The following SPRED1 variants were observed in gnomAD, a reference collection of about 807,000 sequenced individuals.
SPRED1 encodes sprouty related EVH1 domain containing 1.
A neutral mutation model predicts 52.3 loss-of-function variants in SPRED1; 18 were observed. That is an observed-to-expected ratio of 0.34 (90% CI 0.24 to 0.51). SPRED1 has a LOEUF of 0.51. SPRED1 is among the 20% of genes least tolerant of loss of function. SPRED1 has a pLI of 0.97. For synonymous variants in SPRED1, 155 were observed against 179.7 expected, an observed-to-expected ratio of 0.86 and a Z score of 1.10; for missense variants, 485 against 551.0, an observed-to-expected ratio of 0.88 and a Z score of 1.20.
chr15:38,274,913 A>C (rs952644393), intron 1 of SPRED1, among the ~76,000 whole-genome samples: 1 of 152,202 alleles, frequency 6.6e-6, no homozygotes, highest in East Asian at 1.9e-4. Context: ...GATATATCCC[A>C]TTACTGGTAA....
intron 2 of SPRED1, among the ~76,000 whole-genome samples, chr15:38,321,457 C>G (rs906981932): frequency 1.6e-4 from 24 of 152,098 alleles, no homozygotes; most frequent in African/African-American, 5.8e-4. Context: ...TAAACTAAGG[C>G]TTCAAAAGTT....
intron 1 of SPRED1, 52 bp from the exon 2 acceptor site, chr15:38,299,321 G>A (rs1895104040): frequency 6.3e-7 from 1 of 1,592,134 alleles, no homozygotes; most frequent in Admixed American, 1.7e-5. Context: ...TGATGGCTTG[G>A]CTGTTTTTTG....
chr15:38,328,773 G>A (rs1895757463), intron 4 of SPRED1, among the ~76,000 whole-genome samples: 1 of 152,046 alleles, frequency 6.6e-6, no homozygotes, highest in South Asian at 2.1e-4. Context: ...AGGCTGGAGT[G>A]CAGTGGCATG....
chr15:38,299,257 A>T, intron 1 of SPRED1, 116 bp from the exon 2 acceptor site: 1 of 1,160,480 alleles, frequency 8.6e-7, no homozygotes, highest in Non-Finnish European at 1.3e-6. Context: ...GAAGTAGTAA[A>T]CACCTTAGTC....
chr15:38,254,941 A>C (rs1894061280), intron 1 of SPRED1, among the ~76,000 whole-genome samples: 1 of 152,218 alleles, frequency 6.6e-6, no homozygotes. Context: ...GTTTGGATTA[A>C]AAATGTTAAG....
At chr15:38,321,873 G>T (rs1007530349) in intron 2 of SPRED1, among the ~76,000 whole-genome samples, 1 of 152,142 alleles carries the variant, frequency 6.6e-6, no homozygotes, top group Non-Finnish European at 1.5e-5. Flanking sequence ...GGGATTACAG[G>T]TGTGAGCCAC....
At chr15:38,292,090 C>T (rs981629052) in intron 1 of SPRED1, among the ~76,000 whole-genome samples, 2 of 152,188 alleles carry the variant, frequency 1.3e-5, no homozygotes, top group African/African-American at 4.8e-5. Flanking sequence ...ATTTCTTCCC[C>T]CAGATACCCT....
chr15:38,334,793 T>C (rs1441150610), intron 4 of SPRED1, among the ~76,000 whole-genome samples: 2 of 151,992 alleles, frequency 1.3e-5, no homozygotes, highest in East Asian at 3.8e-4. Context: ...TCTTTATTTT[T>C]GTTAAAAAAT....
chr15:38,275,484 G>A (rs1894529561), intron 1 of SPRED1, among the ~76,000 whole-genome samples: 1 of 152,074 alleles, frequency 6.6e-6, no homozygotes, highest in Admixed American at 6.6e-5. Context: ...GCTTTGGGAT[G>A]AGGCTGGTGG....
Position 38,349,499 on chromosome 15 carries a change from T to C in SPRED1, c.660T>C (p.Cys220=), listed in dbSNP as rs1156767248. The C allele has an allele frequency of 6.2e-7, 1 of 1,612,334 alleles. No individual in the cohort carries two copies. Among genetic ancestry groups the C allele is most frequent in the East Asian group, 2.2e-5 (1 of 44,780 alleles). ...TACAGCGGCAAATATCCAAGGAATG[T>C]GGAAGCCTAAAGTCCCAAAATAGGG... The part of the protein sequence containing the change: ...EYVQRQISKE[C]GSLKSQNRVP... The change falls in exon 6 of 7, where the codon TGT becomes TGC. Residue 220 remains cysteine (C), a synonymous_variant. Transcript: ENST00000299084.
At chr15:38,256,794 C>T (rs981104484) in intron 1 of SPRED1, among the ~76,000 whole-genome samples, 7 of 150,574 alleles carry the variant, frequency 4.6e-5, no homozygotes, top group Middle Eastern at 3.2e-3. Flanking sequence ...ATACATTTTA[C>T]GTATGTATAT....
chr15:38,264,932 A>G (rs2140952052), intron 1 of SPRED1, among the ~76,000 whole-genome samples: 1 of 152,310 alleles, frequency 6.6e-6, no homozygotes, highest in African/African-American at 2.4e-5. Flanking sequence ...AAACTATCCA[A>G]ATTAAGGTCT....
At chr15:38,279,414 A>T (rs1380555864) in intron 1 of SPRED1, among the ~76,000 whole-genome samples, 1 of 152,216 alleles carries the variant, frequency 6.6e-6, no homozygotes, top group Non-Finnish European at 1.5e-5. Flanking sequence ...TTAAGAGTGG[A>T]TGCAGAATAT....
At chr15:38,335,962 T>C (rs1595754162) in intron 4 of SPRED1, among the ~76,000 whole-genome samples, 1 of 152,140 alleles carries the variant, frequency 6.6e-6, no homozygotes, top group Non-Finnish European at 1.5e-5. Context: ...TTTAAAATTA[T>C]GTAAAAGCAG....
intron 4 of SPRED1, among the ~76,000 whole-genome samples, chr15:38,333,609 C>T (rs527284368): frequency 6.6e-6 from 1 of 152,130 alleles, no homozygotes; most frequent in African/African-American, 2.4e-5. Flanking sequence ...TAAGAGTGAA[C>T]AGTGTGACAG....
chr15:38,256,026 G>A (rs1431230443), intron 1 of SPRED1, among the ~76,000 whole-genome samples: 3 of 152,092 alleles, frequency 2.0e-5, no homozygotes, highest in Non-Finnish European at 2.9e-5. Flanking sequence ...GTTTTATGTA[G>A]AGAAATGGAT....
At chr15:38,264,175 C>T (rs951928402) in intron 1 of SPRED1, among the ~76,000 whole-genome samples, 1 of 152,138 alleles carries the variant, frequency 6.6e-6, no homozygotes, top group African/African-American at 2.4e-5. Context: ...ATCATGTGAG[C>T]TAAGTATCCA....
At chr15:38,325,898 G>A (rs1257804066) in intron 4 of SPRED1, 3 of 152,122 alleles carry the variant, frequency 2.0e-5, no homozygotes, top group Non-Finnish European at 2.9e-5. Flanking sequence ...AATAATAAAT[G>A]TTTGTTATTT....
chr15:38,339,622 G>A, intron 4 of SPRED1, 115 bp from the exon 5 acceptor site: 4 of 1,017,462 alleles, frequency 3.9e-6, no homozygotes, highest in South Asian at 1.3e-5. Context: ...CATAGCGATG[G>A]TAGCGATATA....
Sources: gnomAD v4.1 joint callset for allele counts (sites outside exome capture counted in the v4.1 genomes callset) on GRCh38, gnomAD v4.1.1 for gene constraint, MANE v1.5 for transcripts, NCBI Gene and HGNC (gene_info 2026-07-23, HGNC 2026-07-21) for gene names.